The following LRRIQ1 variants were observed in gnomAD, a reference collection of about 807,000 sequenced individuals.
LRRIQ1 encodes leucine rich repeats and IQ motif containing 1, also known as leucine-rich repeat- and IQ domain-containing protein 1.
In LRRIQ1, 210 loss-of-function variants were observed where a neutral mutation model predicts 211.9. The observed-to-expected ratio is 0.99, with a 90% CI of 0.89 to 1.11. LRRIQ1 has a LOEUF of 1.11. LRRIQ1 is among the 50% of genes most tolerant of loss of function. LRRIQ1 has a pLI of 0.00. For synonymous variants in LRRIQ1, 699 were observed against 650.1 expected, an observed-to-expected ratio of 1.08 and a Z score of -1.14; for missense variants, 2,136 against 1,939.5, an observed-to-expected ratio of 1.10 and a Z score of -1.90.
intron 24 of LRRIQ1, among the ~76,000 whole-genome samples, chr12:85,205,260 C>T (rs1482612664): frequency 6.6e-6 from 1 of 152,136 alleles, no homozygotes; most frequent in Non-Finnish European, 1.5e-5. Context: ...ATTTCCCATT[C>T]GTGGGTATGT....
chr12:85,049,684 T>C (rs989149162), intron 6 of LRRIQ1, among the ~76,000 whole-genome samples: 1 of 152,220 alleles, frequency 6.6e-6, no homozygotes, highest in African/African-American at 2.4e-5. Context: ...TAAAGAGTGG[T>C]TATTTATACT....
intron 24 of LRRIQ1, among the ~76,000 whole-genome samples, chr12:85,220,229 G>T (rs1894335024): frequency 6.6e-6 from 1 of 151,962 alleles, no homozygotes; most frequent in African/African-American, 2.4e-5. Context: ...ATGAAACCAA[G>T]AGTATTTTAT....
chr12:85,115,929 G>A (rs983829797), intron 15 of LRRIQ1, among the ~76,000 whole-genome samples: 1 of 151,914 alleles, frequency 6.6e-6, no homozygotes, highest in Admixed American at 6.6e-5. Flanking sequence ...TCTTCATTTT[G>A]TCATTAATTA....
At chr12:85,050,706 C>A (rs542894272) in intron 6 of LRRIQ1, among the ~76,000 whole-genome samples, 54 of 152,268 alleles carry the variant, frequency 3.5e-4, no homozygotes, top group African/African-American at 9.4e-4. Context: ...GTCTCCCTAC[C>A]TTTGGTCTTA....
intron 24 of LRRIQ1, among the ~76,000 whole-genome samples, chr12:85,217,240 CTGTT>C (rs1256687845): frequency 1.3e-5 from 2 of 150,882 alleles, no homozygotes; most frequent in Non-Finnish European, 3.0e-5. Context: ...ATAAGCATTT[CTGTT>C]ATATAGCTAT....
At chr12:85,115,876 T>G (rs1887534417) in intron 15 of LRRIQ1, among the ~76,000 whole-genome samples, 1 of 152,192 alleles carries the variant, frequency 6.6e-6, no homozygotes, top group Non-Finnish European at 1.5e-5. Context: ...TTCATTTTTC[T>G]GATAAAACAA....
chr12:85,258,867 A>T (rs1245719885), intron 1 of LRRIQ1, among the ~76,000 whole-genome samples: 3 of 151,988 alleles, frequency 2.0e-5, no homozygotes, highest in Admixed American at 6.6e-5. Context: ...ACATCATGAA[A>T]TTCCTATTTT....
intron 24 of LRRIQ1, among the ~76,000 whole-genome samples, chr12:85,195,289 T>C (rs932069758): frequency 6.6e-6 from 1 of 151,476 alleles, no homozygotes; most frequent in African/African-American, 2.4e-5. Flanking sequence ...TTCCAATCAA[T>C]AGAAAAAGAG....
At chr12:85,121,648 C>T (rs921337195) in intron 15 of LRRIQ1, 49 bp from the exon 16 acceptor site, 1 of 1,348,202 alleles carries the variant, frequency 7.4e-7, no homozygotes, top group South Asian at 1.6e-5. Flanking sequence ...TAGATACATA[C>T]TCTCCTTATC....
At position 85,056,161 on chromosome 12, in the gene LRRIQ1, AT is replaced by A. The variant is rs1212610982; in HGVS notation, c.1370del (p.Leu457Ter). On this transcript the variant is annotated frameshift_variant, in exon 8 of 27. Transcript: ENST00000393217. LOFTEE classifies it high-confidence loss of function. ...MKENVDRQTILKESIQVKLKE... is the reference protein window; with the variant it reads ...MKENVDRQTIXKESIQVKLKE... ...AAGAAAATGTAGATAGACAGACTAT[AT>A]TAAAAGAATCAATACAAGTAAAGTT... is the stretch of plus-strand genomic sequence containing the variant. 2 of 1,593,450 alleles carry A rather than the reference AT, an allele frequency of 1.3e-6. No homozygotes were observed. The highest frequency in any genetic ancestry group is 4.5e-5 in the East Asian group (2 of 44,420).
In LRRIQ1 at chr12:85,174,701, C is replaced by CAAAAAAAAAAAAAAAA. The variant is rs71076115; in HGVS notation, c.4822+13994_4822+14009dup. Among the ~76,000 whole-genome samples the CAAAAAAAAAAAAAAAA allele has an allele frequency of 3.6e-3, 78 of 21,582 alleles. 21 individuals carry two copies. The highest frequency in any genetic ancestry group is 0.018 in the African/African-American group (59 of 3,212). 14.2% of individuals were successfully genotyped at this position (21,582 alleles called of 152,430 possible). A position where few individuals can be genotyped will look rare whatever the true frequency, so the allele number is the denominator to read the frequency against. ...TGGGTGACAGAGCAAGAGTACAGCT[C>CAAAAAAAAAAAAAAAA]AAAAAAAAAAAAAAAAAAAAAATCT... On this transcript the variant is annotated intron_variant, in intron 24 of 26. Transcript: ENST00000393217.
chr12:85,158,799 T>C (rs1565876236), intron 23 of LRRIQ1, among the ~76,000 whole-genome samples: 1 of 151,936 alleles, frequency 6.6e-6, no homozygotes, highest in Non-Finnish European at 1.5e-5. Context: ...TGTACAAAAC[T>C]GACTTTATAA....
intron 24 of LRRIQ1, among the ~76,000 whole-genome samples, chr12:85,180,807 A>G (rs1329017553): frequency 6.6e-6 from 1 of 151,910 alleles, no homozygotes; most frequent in Non-Finnish European, 1.5e-5. Flanking sequence ...GAATTTGATT[A>G]TAGTAACTGG....
chr12:85,088,280 G>A (rs1235109080), intron 11 of LRRIQ1, among the ~76,000 whole-genome samples: 1 of 151,944 alleles, frequency 6.6e-6, no homozygotes, highest in East Asian at 1.9e-4. Context: ...ATTTCTGAGG[G>A]CTCTGTTCTG....
intron 1 of LRRIQ1, among the ~76,000 whole-genome samples, chr12:85,261,468 A>G (rs1475779462): frequency 6.6e-6 from 1 of 152,066 alleles, no homozygotes; most frequent in Non-Finnish European, 1.5e-5. Context: ...AAATGGCCTA[A>G]TGTTTGCTGA....
At chr12:85,163,334 T>G (rs1890993335) in intron 24 of LRRIQ1, among the ~76,000 whole-genome samples, 1 of 143,306 alleles carries the variant, frequency 7.0e-6, no homozygotes, top group Admixed American at 6.8e-5. Flanking sequence ...AAATTAGTGG[T>G]TGGGCATCTG....
intron 13 of LRRIQ1, 100 bp downstream of exon 13, chr12:85,099,094 A>C: frequency 1.5e-6 from 1 of 683,102 alleles, no homozygotes. Context: ...CTAATAATTC[A>C]ATGAGATTGC....
At chr12:85,242,698 A>G (rs1255436417) in intron 26 of LRRIQ1, among the ~76,000 whole-genome samples, 1 of 151,908 alleles carries the variant, frequency 6.6e-6, no homozygotes, top group African/African-American at 2.4e-5. Flanking sequence ...ATATTGTTGC[A>G]TATCGCTGTG....
At chr12:85,246,295 G>A (rs540484378), downstream of LRRIQ1, among the ~76,000 whole-genome samples, 57 of 150,880 alleles carry the variant, frequency 3.8e-4, no homozygotes, top group Non-Finnish European at 7.6e-4. Context: ...TTAACATAAT[G>A]TACTAACTTT....
Sources: allele counts gnomAD v4.1 joint callset (sites outside exome capture counted in the v4.1 genomes callset), GRCh38; gene constraint gnomAD v4.1.1; transcripts MANE v1.5; gene names NCBI Gene and HGNC (gene_info 2026-07-23, HGNC 2026-07-21).